NID2: variants seen among roughly 807,000 people sequenced by gnomAD.
NID2 encodes the protein nidogen-2.
NID2 carries 83 observed loss-of-function variants against 145.4 expected under a neutral mutation model. The observed-to-expected ratio is 0.57, with a 90% CI of 0.48 to 0.69. The LOEUF is 0.69. Ranked by LOEUF, NID2 falls within the 30% of genes least tolerant of loss-of-function variation. The pLI, the probability that NID2 is intolerant of heterozygous loss-of-function variation, is 0.00. For synonymous variants in NID2, 739 were observed against 701.3 expected, an observed-to-expected ratio of 1.05 and a Z score of -0.85; for missense variants, 1,807 against 1,765.7, an observed-to-expected ratio of 1.02 and a Z score of -0.42.
intron 16 of NID2, 160 bp downstream of exon 16, chr14:52,014,127 G>A: frequency 2.4e-6 from 2 of 839,766 alleles, no homozygotes; most frequent in Non-Finnish European, 3.9e-6. Context: ...GAGAGCCCTG[G>A]TCCTATGGTG....
At chr14:52,064,900 C>A (rs750948699) in intron 2 of NID2, among the ~76,000 whole-genome samples, 10 of 152,124 alleles carry the variant, frequency 6.6e-5, no homozygotes, top group Non-Finnish European at 1.2e-4. Flanking sequence ...TGTCTCTAAC[C>A]CCATCCCTAA....
intron 16 of NID2, among the ~76,000 whole-genome samples, chr14:52,013,771 G>T (rs2076886987): frequency 1.3e-5 from 2 of 152,146 alleles, no homozygotes; most frequent in African/African-American, 4.8e-5. Context: ...TATGGAGTCA[G>T]GGAAGGTTAG....
At position 52,011,174 on chromosome 14, in the gene NID2, C is replaced by T. The variant is rs143519669; in HGVS notation, c.3551-127G>A. 583 of 811,890 alleles carry T rather than the reference C, an allele frequency of 7.2e-4. 2 individuals carry two copies. In the Middle Eastern group the frequency reaches 0.012, roughly 17 times the overall value. 50.3% of individuals were successfully genotyped at this position (811,890 alleles called of 1,614,324 possible). A position where few individuals can be genotyped will look rare whatever the true frequency, so the allele number is the denominator to read the frequency against. On this transcript the variant is annotated intron_variant, in intron 17 of 21. Coordinates refer to ENST00000216286, the MANE Select transcript of NID2 (RefSeq NM_007361.4). Reference sequence around the variant, plus strand: ...GCAAAGCCCAAGTGTCTCCAAGTCCCCAAGAACCAGGTTAATAGAGAAACA... The same window carrying T: ...GCAAAGCCCAAGTGTCTCCAAGTCCTCAAGAACCAGGTTAATAGAGAAACA...
intron 9 of NID2, among the ~76,000 whole-genome samples, chr14:52,034,444 C>T (rs1426829126): frequency 6.6e-6 from 1 of 152,182 alleles, no homozygotes; most frequent in Non-Finnish European, 1.5e-5. Flanking sequence ...GCAATCTTTC[C>T]CTTTCTAATT....
chr14:52,049,674 T>A (rs1892623744), intron 5 of NID2, among the ~76,000 whole-genome samples: 2 of 149,660 alleles, frequency 1.3e-5, no homozygotes, highest in South Asian at 4.4e-4. Context: ...TCCAACTTTA[T>A]AACAAACAGT....
rs1892174566 is a variant in NID2 at position 52,038,914 on chromosome 14, G to A, written c.2090C>T (p.Ser697Phe). The A allele has an allele frequency of 6.2e-7, 1 of 1,614,112 alleles. No individual in the cohort carries two copies. The highest frequency in any genetic ancestry group is 1.1e-5 in the South Asian group (1 of 91,046). ...AGTGATGTTCTGGTGGATGCGGTAGGACCATGTTTGGTTGATTGCACCAAA... is the reference window on the plus strand; with the variant it reads ...AGTGATGTTCTGGTGGATGCGGTAGAACCATGTTTGGTTGATTGCACCAAA... The part of the protein sequence containing the change: ...LTFGAINQTW[S>F]YRIHQNITYQ... Residue 697 changes from serine to phenylalanine, a missense_variant, in exon 9 of 22, where the codon TCC (serine) becomes TTC (phenylalanine). Physicochemically the swap from Ser to Phe is radical, Grantham distance 155 (BLOSUM62 -2). Transcript: ENST00000216286.
At chr14:52,058,932 T>A (rs1239843903) in intron 3 of NID2, among the ~76,000 whole-genome samples, 1 of 151,844 alleles carries the variant, frequency 6.6e-6, no homozygotes, top group Non-Finnish European at 1.5e-5. Flanking sequence ...GAGTCCAGAC[T>A]AAGCGGCAGC....
In NID2 at chr14:52,008,059, T is replaced by A. The variant is rs2140340881; in HGVS notation, c.3723-92A>T. 3 of 1,022,166 alleles carry A rather than the reference T, an allele frequency of 2.9e-6. No homozygotes were observed. The East Asian group carries it at 7.4e-5, about 25-fold the overall frequency. The allele number at this position is 1,022,166 out of a possible 1,614,324, so 63.3% of individuals were successfully genotyped here. Reference sequence around the variant, plus strand: ...GCCCCCAGTGATCTCCATCTCCTCATGTATTATAGCCTTAAGCAATCCCCT... The same window carrying A: ...GCCCCCAGTGATCTCCATCTCCTCAAGTATTATAGCCTTAAGCAATCCCCT... On this transcript the variant is annotated intron_variant, in intron 18 of 21. Coordinates refer to ENST00000216286, the MANE Select transcript of NID2 (RefSeq NM_007361.4).
intron 12 of NID2, among the ~76,000 whole-genome samples, chr14:52,023,797 G>C (rs931552375): frequency 1.6e-4 from 25 of 152,252 alleles, no homozygotes; most frequent in Non-Finnish European, 3.4e-4. Flanking sequence ...CTCCTGGCTA[G>C]TGACTCAGAC....
At chr14:52,060,848 T>C (rs1006040154) in intron 2 of NID2, among the ~76,000 whole-genome samples, 15 of 152,208 alleles carry the variant, frequency 9.9e-5, no homozygotes, top group Non-Finnish European at 1.9e-4. Context: ...TAGGCACTAG[T>C]TGGTCAAAAG....
intron 14 of NID2, among the ~76,000 whole-genome samples, chr14:52,015,940 T>G (rs138131251): frequency 6.6e-6 from 1 of 152,316 alleles, no homozygotes; most frequent in East Asian, 1.9e-4. Context: ...AAAATGGTTC[T>G]TCCACAGCCC....
At position 52,042,689 on chromosome 14, in the gene NID2, T is replaced by C. The variant is rs533468549; in HGVS notation, c.1579+93A>G. The C allele has an allele frequency of 3.4e-5, 43 of 1,271,912 alleles. No homozygotes were observed. The South Asian group carries it at 5.7e-4, about 17-fold the overall frequency. The allele number at this position is 1,271,912 out of a possible 1,614,324, so 78.8% of individuals were successfully genotyped here. On this transcript the variant is annotated intron_variant, in intron 6 of 21. Transcript: ENST00000216286. ...AGCACTCTGATTTAAGTAGTGGAGATGTTTGGTCCATAAAGCAGAGCTCAC... is the reference window on the plus strand; with the variant it reads ...AGCACTCTGATTTAAGTAGTGGAGACGTTTGGTCCATAAAGCAGAGCTCAC...
chr14:52,038,841 G>C lies in NID2; in HGVS notation c.2163C>G (p.Thr721=). Residue 721 remains threonine, a synonymous_variant, in exon 9 of 22, where the codon ACC becomes ACG. Transcript: ENST00000216286. ...AGACCCGGTCCACGTTCAGCTGCTG[G>C]GTGGTGGGGAAGGACGGGTGTCTGG... is the stretch of plus-strand genomic sequence containing the variant. ...HAPRHPSFPT[T]QQLNVDRVFA... The C allele has an allele frequency of 1.2e-6, 2 of 1,614,086 alleles. No homozygotes were observed. Among genetic ancestry groups the C allele is most frequent in the Non-Finnish European group, 1.7e-6 (2 of 1,180,004 alleles).
intron 5 of NID2, among the ~76,000 whole-genome samples, chr14:52,049,172 TC>T (rs890836314): frequency 1.0e-4 from 10 of 99,490 alleles, no homozygotes; most frequent in South Asian, 7.1e-4. Flanking sequence ...TTTTTAAATC[TC>T]TTTTTTTTCT....
At chr14:52,015,650 C>G (rs1891192074) in intron 14 of NID2, among the ~76,000 whole-genome samples, 1 of 152,214 alleles carries the variant, frequency 6.6e-6, no homozygotes, top group Non-Finnish European at 1.5e-5. Flanking sequence ...TCGGGCGCCT[C>G]TGCTGACAGA....
In NID2 at chr14:52,054,264, C is replaced by T. The variant is rs367558382; in HGVS notation, c.825G>A (p.Pro275=). The change falls in exon 4 of 22, where the codon CCG becomes CCA. Residue 275 remains proline, a synonymous_variant. Transcript: ENST00000216286. ...CTGCAGCTGGCCTGACATTGTCCAA[C>T]GGGGAAGTGCTGCCGATATGGAAAG... is the stretch of plus-strand genomic sequence containing the variant. The part of the protein sequence containing the change: ...VWAFHIGSTS[P]LDNVRPAAVG... 87 of 1,614,124 alleles carry T rather than the reference C, an allele frequency of 5.4e-5. No homozygotes were observed. The African/African-American group carries it at 8.8e-4, about 16-fold the overall frequency.
intron 18 of NID2, chr14:52,009,627 A>G (rs1450805676): frequency 6.6e-6 from 1 of 152,194 alleles, no homozygotes; most frequent in Non-Finnish European, 1.5e-5. Flanking sequence ...CTTTTTCCCC[A>G]GACTCCAGAG....
At position 52,028,651 on chromosome 14, in the gene NID2, C is replaced by G; in HGVS notation, c.2530+71G>C. The G allele has an allele frequency of 2.0e-6, 3 of 1,533,108 alleles. No homozygotes were observed. In the South Asian group the frequency reaches 3.7e-5, roughly 19 times the overall value. The allele number at this position is 1,533,108 out of a possible 1,614,324, so 95.0% of individuals were successfully genotyped here. A position where few individuals can be genotyped will look rare whatever the true frequency, so the allele number is the denominator to read the frequency against. ...AGCCTCTGAATAGCAGAAGTCAAAA[C>G]ACTGACAGATTAAAGAGCAAGATTA... On this transcript the variant is annotated intron_variant, in intron 11 of 21. Coordinates refer to ENST00000216286, the MANE Select transcript of NID2 (RefSeq NM_007361.4).
rs1555363668 is a variant in NID2, at chr14:52,030,485, G to GAAAAGAAAAGA, written c.2258-796_2258-795insTCTTTTCTTTT. 1.6e-4 allele frequency among the ~76,000 whole-genome samples: 14 copies of GAAAAGAAAAGA among 89,798 alleles called. No individual in the cohort carries two copies. The South Asian group carries it at 3.2e-3, about 20-fold the overall frequency. The allele number at this position is 89,798 out of a possible 152,430, so 58.9% of individuals were successfully genotyped here. On this transcript the variant is annotated intron_variant, in intron 9 of 21. Coordinates refer to ENST00000216286, the MANE Select transcript of NID2 (RefSeq NM_007361.4). ...AGACCTTATCTCGAGAGAAAGAAAAGAAAGAAAGAAAGAAAGAGAAAGAAA... is the reference window on the plus strand; with the variant it reads ...AGACCTTATCTCGAGAGAAAGAAAAGAAAAGAAAAGAAAAGAAAGAAAGAAAGAGAAAGAAA...
Sources: gnomAD v4.1 joint callset for allele counts (sites outside exome capture counted in the v4.1 genomes callset) on GRCh38, gnomAD v4.1.1 for gene constraint, MANE v1.5 for transcripts, NCBI Gene and HGNC (gene_info 2026-07-23, HGNC 2026-07-21) for gene names.